DNAH9: variants seen among roughly 807,000 people sequenced by gnomAD.
DNAH9 encodes the protein dynein axonemal heavy chain 9.
DNAH9 carries 345 observed loss-of-function variants against 471.6 expected under a neutral mutation model. That is an observed-to-expected ratio of 0.73 (90% CI 0.67 to 0.80). The LOEUF is 0.80. Ranked by LOEUF, DNAH9 falls within the 30% of genes least tolerant of loss-of-function variation. DNAH9 has a pLI of 0.00. For synonymous variants in DNAH9, 2,093 were observed against 2,123.6 expected, an observed-to-expected ratio of 0.99 and a Z score of 0.40; for missense variants, 5,407 against 5,609.2, an observed-to-expected ratio of 0.96 and a Z score of 1.15.
rs760596260 is a variant in DNAH9, at chr17:11,690,302, G to A, written c.4480G>A (p.Glu1494Lys). The A allele has an allele frequency of 5.6e-6, 9 of 1,614,054 alleles. No homozygotes were observed. In the African/African-American group the frequency reaches 8.0e-5, roughly 14 times the overall value. Reference protein sequence around the residue: ...MSKYVAFFLEEVSGWQKKLST... With the variant: ...MSKYVAFFLEKVSGWQKKLST... Reference sequence around the variant, plus strand: ...CAAGTATGTTGCTTTCTTCTTGGAGGAGGTGTCGGGCTGGCAGAAGAAGCT... The same window carrying A: ...CAAGTATGTTGCTTTCTTCTTGGAGAAGGTGTCGGGCTGGCAGAAGAAGCT... Residue 1494 changes from glutamate (E) to lysine (K), a missense_variant, in exon 20 of 69, where the codon GAG becomes AAG. By Grantham distance (56) the Glu-to-Lys change is moderately conservative (BLOSUM62 1). Around this residue, in one of 3 missense-constraint regions of DNAH9, gnomAD observed 4,636 missense variants for 4,900.3 expected, o/e 0.95. Coordinates refer to ENST00000262442, the MANE Select transcript of DNAH9 (RefSeq NM_001372.4).
chr17:11,701,763 C>G (rs544104200), intron 24 of DNAH9, among the ~76,000 whole-genome samples: 2 of 152,296 alleles, frequency 1.3e-5, no homozygotes, highest in African/African-American at 2.4e-5. Context: ...ACTGCAACCT[C>G]CACCTCCCAA....
At chr17:11,759,284 C>T (rs186108797) in intron 35 of DNAH9, among the ~76,000 whole-genome samples, 1 of 152,054 alleles carries the variant, frequency 6.6e-6, no homozygotes, top group East Asian at 1.9e-4. Flanking sequence ...GCCACCCTCC[C>T]ACCTTTTGGA....
At chr17:11,968,642 A>G (rs1353309922) in intron 68 of DNAH9, among the ~76,000 whole-genome samples, 1 of 152,224 alleles carries the variant, frequency 6.6e-6, no homozygotes, top group African/African-American at 2.4e-5. Flanking sequence ...TATGGTAAGC[A>G]CCACTTCCCA....
Position 11,797,707 on chromosome 17 carries a change from C to A in DNAH9, c.8334C>A (p.Thr2778=). Residue 2778 remains threonine (T), a synonymous_variant, in exon 43 of 69, where the codon ACC becomes ACA. Coordinates refer to ENST00000262442, the MANE Select transcript of DNAH9 (RefSeq NM_001372.4). ...CTGTACAGTCTTGGGAACTTTTGAC[C>A]CAGACTCTGGTGGAGGCCTTGGAGA... The part of the protein sequence containing the change: ...YMPVQSWELL[T]QTLVEALENH... The A allele has an allele frequency of 1.2e-6, 2 of 1,614,168 alleles. No homozygotes were observed. Among genetic ancestry groups the A allele is most frequent in the Non-Finnish European group, 1.7e-6 (2 of 1,180,018 alleles).
chr17:11,839,312 C>T (rs1000769925), intron 49 of DNAH9, among the ~76,000 whole-genome samples: 4 of 151,522 alleles, frequency 2.6e-5, no homozygotes, highest in Non-Finnish European at 4.4e-5. Context: ...GTCAGGAGAT[C>T]GAGACCATCC....
At chr17:11,751,515 T>C (rs1347981976) in intron 32 of DNAH9, among the ~76,000 whole-genome samples, 4 of 152,040 alleles carry the variant, frequency 2.6e-5, no homozygotes, top group South Asian at 2.1e-4. Context: ...GATCACTAAA[T>C]AGATACTTAA....
intron 57 of DNAH9, among the ~76,000 whole-genome samples, chr17:11,887,727 TAC>T (rs923240499): frequency 7.5e-6 from 1 of 133,908 alleles, no homozygotes; most frequent in African/African-American, 2.7e-5. Flanking sequence ...AGATTTCACA[TAC>T]ACACAGTCAC....
In DNAH9 at chr17:11,598,504, GC is replaced by G; in HGVS notation, c.7del (p.Leu3SerfsTer32). 1 of 1,376,096 alleles carries G rather than the reference GC, an allele frequency of 7.3e-7. No individual in the cohort carries two copies. Among genetic ancestry groups the G allele is most frequent in the Non-Finnish European group, 9.3e-7 (1 of 1,075,590 alleles). The allele number at this position is 1,376,096 out of a possible 1,614,324, so 85.2% of individuals were successfully genotyped here. ...GCAGCTGGAGGCCGCGCGCGATGCG[GC>G]TCGCGGAGGAGCGGGCCGCGCTCGC... MR[L>X]AEERAALAAE... On this transcript the variant is annotated frameshift_variant, in exon 1 of 69. Coordinates refer to ENST00000262442, the MANE Select transcript of DNAH9 (RefSeq NM_001372.4). LOFTEE classifies it high-confidence loss of function.
chr17:11,710,734 A>G (rs951614358), intron 26 of DNAH9, among the ~76,000 whole-genome samples: 2 of 152,198 alleles, frequency 1.3e-5, no homozygotes, highest in African/African-American at 4.8e-5. Flanking sequence ...TTAATATTGC[A>G]CTATATTTCA....
intron 62 of DNAH9, among the ~76,000 whole-genome samples, chr17:11,927,606 CT>C (rs1299549897): frequency 1.3e-5 from 2 of 152,178 alleles, no homozygotes; most frequent in African/African-American, 4.8e-5. Flanking sequence ...GATCTAACAT[CT>C]TTTAACATCC....
At chr17:11,901,690 C>T (rs1444083262) in intron 59 of DNAH9, among the ~76,000 whole-genome samples, 4 of 152,046 alleles carry the variant, frequency 2.6e-5, no homozygotes, top group East Asian at 1.9e-4. Flanking sequence ...AGCGACACTC[C>T]GTCTCAAAAC....
At chr17:11,857,826 C>G (rs2108443) in intron 50 of DNAH9, among the ~76,000 whole-genome samples, 2 of 152,098 alleles carry the variant, frequency 1.3e-5, no homozygotes, top group African/African-American at 4.8e-5. Context: ...GGCACCTGCC[C>G]CCCGCAACTC....
Position 11,682,099 on chromosome 17 carries a change from A to G in DNAH9, c.3743+1210A>G, listed in dbSNP as rs1024713819. 7.9e-5 allele frequency among the ~76,000 whole-genome samples: 12 copies of G among 152,162 alleles called. 1 individual carries two copies. The highest frequency in any genetic ancestry group is 2.1e-4 in the South Asian group (1 of 4,826). The stretch of plus-strand genomic sequence containing the variant: ...TGTCTGGGAGTTTTAAAATCTCTCC[A>G]GGTGATTCTAAATGTGCAGCCCAAA... On this transcript the variant is annotated intron_variant, in intron 19 of 68. Coordinates refer to ENST00000262442, the MANE Select transcript of DNAH9 (RefSeq NM_001372.4).
chr17:11,818,946 T>C (rs2150937290), intron 45 of DNAH9, among the ~76,000 whole-genome samples: 1 of 151,682 alleles, frequency 6.6e-6, no homozygotes. Context: ...TTATTACCAT[T>C]CCTCCTTTCC....
chr17:11,920,228 G>A (rs1367166224), intron 61 of DNAH9, among the ~76,000 whole-genome samples: 1 of 151,572 alleles, frequency 6.6e-6, no homozygotes, highest in Non-Finnish European at 1.5e-5. Flanking sequence ...TAGAAAAGGG[G>A]TTTCTCCATG....
intron 50 of DNAH9, among the ~76,000 whole-genome samples, chr17:11,864,212 G>C (rs1192343646): frequency 1.4e-5 from 2 of 142,692 alleles, no homozygotes; most frequent in African/African-American, 5.2e-5. Flanking sequence ...AGAGATTCTG[G>C]TATGTTGTGT....
Position 11,669,598 on chromosome 17 carries a change from C to T in DNAH9, c.3157C>T (p.Pro1053Ser). The change falls in exon 17 of 69, where the codon CCC becomes TCC. Residue 1053 changes from proline (P) to serine (S), a missense_variant. By Grantham distance (74) the Pro-to-Ser change is moderately conservative. Coordinates refer to ENST00000262442, the MANE Select transcript of DNAH9 (RefSeq NM_001372.4). ...GGAAGATGGCATCCCAGAGAACCCT[C>T]CCCTCCTTTCTCAGTTTAAAGTGCA... is the stretch of plus-strand genomic sequence containing the variant. ...HVEDGIPENP[P>S]LLSQFKVQID... 4 of 1,614,178 alleles carry T rather than the reference C, an allele frequency of 2.5e-6. No homozygotes were observed. The highest frequency in any genetic ancestry group is 3.4e-6 in the Non-Finnish European group (4 of 1,180,026).
chr17:11,654,818 CACAG>C (rs1359854492), intron 14 of DNAH9, among the ~76,000 whole-genome samples: 2 of 151,928 alleles, frequency 1.3e-5, no homozygotes, highest in Non-Finnish European at 2.9e-5. Flanking sequence ...AAAACGAAGG[CACAG>C]ACAGGCTAAA....
At chr17:11,661,337 A>G (rs11656210) in intron 14 of DNAH9, among the ~76,000 whole-genome samples, 10 of 151,802 alleles carry the variant, frequency 6.6e-5, no homozygotes, top group Non-Finnish European at 1.5e-5. Flanking sequence ...TCTTGTCTTA[A>G]TAGTCGGCAT....
Sources: allele counts gnomAD v4.1 joint callset (sites outside exome capture counted in the v4.1 genomes callset), GRCh38; gene constraint gnomAD v4.1.1; regional missense constraint gnomAD v4.1.1; transcripts MANE v1.5; gene names NCBI Gene and HGNC (gene_info 2026-07-23, HGNC 2026-07-21).